ARHGEF40: variants seen among roughly 807,000 people sequenced by gnomAD.
ARHGEF40 encodes the protein Rho guanine nucleotide exchange factor 40.
A neutral mutation model predicts 165.9 loss-of-function variants in ARHGEF40; 98 were observed. The ratio of observed to expected loss-of-function variants is 0.59; its 90% CI spans 0.50 to 0.70. ARHGEF40 has a LOEUF of 0.70. Among genes scored for constraint, ARHGEF40 ranks in the 30% least tolerant of loss-of-function variants. The probability of loss-of-function intolerance (pLI) is 0.00; values close to 1 mark genes in which losing one functional copy is unlikely to be tolerated. For synonymous variants in ARHGEF40, 792 were observed against 814.3 expected (o/e 0.97, Z 0.47); for missense variants, 1,815 against 1,968.0 (o/e 0.92, Z 1.47).
At chr14:21,067,075 TAGTG>T (rs1222467137), upstream of ARHGEF40, among the ~76,000 whole-genome samples, 3 of 152,034 alleles carry the variant, frequency 2.0e-5, no homozygotes, top group African/African-American at 7.2e-5. Context: ...CAGGGAGAAA[TAGTG>T]AGCAGCCTAA....
Position 21,076,308 on chromosome 14 carries a change from A to G in ARHGEF40, c.1740-52A>G, listed in dbSNP as rs1210687321. On this transcript the variant is annotated intron_variant, in intron 5 of 23. Coordinates refer to ENST00000298694, the MANE Select transcript of ARHGEF40 (RefSeq NM_018071.5). ...GTATGTCTGCCTTGCCTTATCTGCT[A>G]TCCCCCAAAACACACACACAGCAGC... The G allele has an allele frequency of 2.7e-6, 4 of 1,472,864 alleles. No individual in the cohort carries two copies. In the East Asian group the frequency reaches 6.9e-5, roughly 25 times the overall value. 91.2% of individuals were successfully genotyped at this position (1,472,864 alleles called of 1,614,324 possible). A position where few individuals can be genotyped will look rare whatever the true frequency, so the allele number is the denominator to read the frequency against.
the ARHGEF40 span, among the ~76,000 whole-genome samples, chr14:21,061,335 C>T: frequency 9.9e-5 from 15 of 152,158 alleles, no homozygotes; most frequent in African/African-American, 3.6e-4. Flanking sequence ...TAGAATGAAT[C>T]GTTAAGGAGA....
At chr14:21,085,998 A>T in intron 19 of ARHGEF40, 132 bp downstream of exon 19, 1 of 1,082,374 alleles carries the variant, frequency 9.2e-7, no homozygotes, top group Non-Finnish European at 1.3e-6. Context: ...AAGATTCAAG[A>T]TTTGGCTTGA....
At chr14:21,076,011 T>C (rs942216071) in intron 5 of ARHGEF40, among the ~76,000 whole-genome samples, 14 of 152,230 alleles carry the variant, frequency 9.2e-5, no homozygotes, top group African/African-American at 2.9e-4. Context: ...CATCAGGACA[T>C]TGGTTCACTG....
rs771149537 is a variant in ARHGEF40, at chr14:21,074,642, C to G, written c.912C>G (p.Arg304=). 1 of 1,565,744 alleles carries G rather than the reference C, an allele frequency of 6.4e-7. No homozygotes were observed. Among genetic ancestry groups the G allele is most frequent in the South Asian group, 1.2e-5 (1 of 85,840 alleles). Residue 304 remains arginine (R), a synonymous_variant, in exon 3 of 24, where the codon CGC becomes CGG. Transcript: ENST00000298694. The surrounding 1 kb of genome is among the most constrained non-coding windows in gnomAD (Gnocchi z 4.8). ...GLGPRGQDGA[R]PPGEGSSTGA... is the part of the protein sequence containing the mutation. ...GGCCTCGGGGCCAGGATGGAGCACG[C>G]CCACCCGGCGAGGGGAGCAGCACCG...
chr14:21,063,409 A>G, the ARHGEF40 span, among the ~76,000 whole-genome samples: 9 of 152,352 alleles, frequency 5.9e-5, no homozygotes, highest in Admixed American at 5.9e-4. Flanking sequence ...CTTGGAATCA[A>G]TCACTTAGGT....
Position 21,075,611 on chromosome 14 carries a change from C to T in ARHGEF40, c.1619-34C>T. 1.2e-6 allele frequency: 2 copies of T among 1,613,964 alleles called. No homozygotes were observed. The highest frequency in any genetic ancestry group is 1.7e-6 in the Non-Finnish European group (2 of 1,179,986). On this transcript the variant is annotated intron_variant, in intron 4 of 23. Coordinates refer to ENST00000298694, the MANE Select transcript of ARHGEF40 (RefSeq NM_018071.5). This position sits in a 1 kb window ranked among gnomAD's most constrained non-coding sequence, Gnocchi z 4.5. ...AAAGGAGGTAGGCATGGACTGCTCC[C>T]AGCCAGGACAGCCTGGCCATTTTGT...
Position 21,075,869 on chromosome 14 carries a change from C to T in ARHGEF40, c.1739+104C>T. 1 of 1,413,356 alleles carries T rather than the reference C, an allele frequency of 7.1e-7. No individual in the cohort carries two copies. The highest frequency in any genetic ancestry group is 9.5e-7 in the Non-Finnish European group (1 of 1,049,842). The allele number at this position is 1,413,356 out of a possible 1,614,324, so 87.6% of individuals were successfully genotyped here. On this transcript the variant is annotated intron_variant, in intron 5 of 23. Coordinates refer to ENST00000298694, the MANE Select transcript of ARHGEF40 (RefSeq NM_018071.5). The surrounding 1 kb of genome is among the most constrained non-coding windows in gnomAD (Gnocchi z 4.5). The stretch of plus-strand genomic sequence containing the variant: ...ACTGACCTTCTGACCTCTAAGGACA[C>T]CTACTTCTTCAACCTTCAGACTTCA...
intron 13 of ARHGEF40, 118 bp from the exon 14 acceptor site, chr14:21,081,391 G>A (rs1887880154): frequency 2.9e-6 from 4 of 1,383,294 alleles, no homozygotes; most frequent in Non-Finnish European, 3.9e-6. Flanking sequence ...GAAAACAGGA[G>A]AGTGACGGGC....
At position 21,078,911 on chromosome 14, in the gene ARHGEF40, G is replaced by A. The variant is rs1371644478; in HGVS notation, c.2274G>A (p.Leu758=). 1.6e-5 allele frequency: 26 copies of A among 1,614,128 alleles called. No homozygotes were observed. The highest frequency in any genetic ancestry group is 2.1e-5 in the Non-Finnish European group (25 of 1,179,944). The change falls in exon 11 of 24, where the codon CTG becomes CTA. Residue 758 remains leucine, a synonymous_variant. Transcript: ENST00000298694. The part of the protein sequence containing the change: ...SKLEGQGPAT[L]YQEVDEAIHQ... Reference sequence around the variant, plus strand: ...TGGAGGGCCAAGGCCCAGCTACACTGTATCAGGAAGTGGACGAGGCCATTC... The same window carrying A: ...TGGAGGGCCAAGGCCCAGCTACACTATATCAGGAAGTGGACGAGGCCATTC...
rs1293589458 is a variant in ARHGEF40, at chr14:21,070,608, T to A, written c.3+209T>A. Reference sequence around the variant, plus strand: ...CACCGGGTATTGCCCTCACCCTTTCTTCCTCCTCTCCTCCGCCTCCTCCCC... The same window carrying A: ...CACCGGGTATTGCCCTCACCCTTTCATCCTCCTCTCCTCCGCCTCCTCCCC... On this transcript the variant is annotated intron_variant, in intron 1 of 23. Transcript: ENST00000298694. This position sits in a 1 kb window ranked among gnomAD's most constrained non-coding sequence, Gnocchi z 4.7. Among the ~76,000 whole-genome samples, 2 of 151,872 alleles carry A rather than the reference T, an allele frequency of 1.3e-5. No individual in the cohort carries two copies. Among genetic ancestry groups the A allele is most frequent in the African/African-American group, 4.8e-5 (2 of 41,366 alleles).
At position 21,070,388 on chromosome 14, in the gene ARHGEF40, C is replaced by A; in HGVS notation, c.-9C>A. 1.4e-6 allele frequency: 2 copies of A among 1,412,458 alleles called. No individual in the cohort carries two copies. The highest frequency in any genetic ancestry group is 1.8e-6 in the Non-Finnish European group (2 of 1,092,132). 87.5% of individuals were successfully genotyped at this position (1,412,458 alleles called of 1,614,324 possible). A position where few individuals can be genotyped will look rare whatever the true frequency, so the allele number is the denominator to read the frequency against. On this transcript the variant is annotated 5_prime_UTR_variant, in exon 1 of 24. Coordinates refer to ENST00000298694, the MANE Select transcript of ARHGEF40 (RefSeq NM_018071.5). This position sits in a 1 kb window ranked among gnomAD's most constrained non-coding sequence, Gnocchi z 4.7. ...CGACCAAGCGTCGGACGCGGCCCGGCGCCGAGCCATGGTGAGTCCAGCGTC... is the reference window on the plus strand; with the variant it reads ...CGACCAAGCGTCGGACGCGGCCCGGAGCCGAGCCATGGTGAGTCCAGCGTC...
rs780481489 is a variant in ARHGEF40, at chr14:21,088,036, CCCCACCCTGGGAGCAGCACT to C, written c.4467_4486del (p.Ser1490GlnfsTer18). 2 of 1,614,106 alleles carry C rather than the reference CCCCACCCTGGGAGCAGCACT, an allele frequency of 1.2e-6. No individual in the cohort carries two copies. The highest frequency in any genetic ancestry group is 1.7e-6 in the Non-Finnish European group (2 of 1,179,996). Reference sequence around the variant, plus strand: ...AAGAAACAGCCCCAGCCTGCAACCCCCCCACCCTGGGAGCAGCACTCCCACCCTGGCCAGTCGAGGGATCT... The same window carrying C: ...AAGAAACAGCCCCAGCCTGCAACCCCCCCACCCTGGCCAGTCGAGGGATCT... On this transcript the variant is annotated frameshift_variant, in exon 22 of 24. Transcript: ENST00000298694. LOFTEE classifies it high-confidence loss of function.
At chr14:21,065,169 C>CA in the ARHGEF40 span, among the ~76,000 whole-genome samples, 8,317 of 135,132 alleles carry the variant, frequency 0.062, 282 homozygotes, top group Middle Eastern at 0.094. Flanking sequence ...AACTCCATCT[C>CA]AAAAAAAAAA....
chr14:21,085,961 T>A, intron 19 of ARHGEF40, 95 bp downstream of exon 19: 1 of 1,362,206 alleles, frequency 7.3e-7, no homozygotes, highest in Non-Finnish European at 1.0e-6. Context: ...AAACAGTTTA[T>A]AGGATGAAGA....
intron 10 of ARHGEF40, 94 bp downstream of exon 10, chr14:21,078,582 C>T: frequency 2.4e-6 from 3 of 1,275,328 alleles, no homozygotes; most frequent in African/African-American, 1.5e-5. Context: ...ACCATTCTTA[C>T]TGTGCATGTA....
Position 21,088,875 on chromosome 14 carries a change from G to C in ARHGEF40, c.*4G>C. 6.2e-7 allele frequency: 1 copy of C among 1,612,318 alleles called. No individual in the cohort carries two copies. Among genetic ancestry groups the C allele is most frequent in the Non-Finnish European group, 8.5e-7 (1 of 1,178,818 alleles). ...TGACCCCACCACGCCTCTGTGACCT[G>C]GGTGAGTCAGCATCCCCAATTTCTA... On this transcript the variant is annotated splice_region_variant and 3_prime_UTR_variant, in exon 23 of 24. Coordinates refer to ENST00000298694, the MANE Select transcript of ARHGEF40 (RefSeq NM_018071.5).
intron 11 of ARHGEF40, 40 bp from the exon 12 acceptor site, chr14:21,080,620 C>G: frequency 6.3e-7 from 1 of 1,584,004 alleles, no homozygotes; most frequent in Non-Finnish European, 8.6e-7. Context: ...CTTGCCTTTC[C>G]ACTCCATGAC....
At chr14:21,063,294 G>A in the ARHGEF40 span, among the ~76,000 whole-genome samples, 3 of 152,254 alleles carry the variant, frequency 2.0e-5, no homozygotes, top group Non-Finnish European at 4.4e-5. Flanking sequence ...TCTGTTAATG[G>A]AATTAGGAGT....
Sources: gnomAD v4.1 joint callset for allele counts (sites outside exome capture counted in the v4.1 genomes callset) on GRCh38, gnomAD v4.1.1 for gene constraint, Gnocchi (gnomAD v3.1) non-coding constraint, MANE v1.5 for transcripts, NCBI Gene and HGNC (gene_info 2026-07-23, HGNC 2026-07-21) for gene names.